Variants in LDLRAD4 observed in about 807,000 individuals in gnomAD.
LDLRAD4 encodes low density lipoprotein receptor class A domain containing 4.
LDLRAD4 carries 5 observed loss-of-function variants against 17.0 expected under a neutral mutation model. The observed-to-expected ratio is 0.29, with a 90% CI of 0.15 to 0.62. The LOEUF is 0.62. Among genes scored for constraint, LDLRAD4 ranks in the 20% least tolerant of loss-of-function variants. The pLI is 0.84. For synonymous variants in LDLRAD4, 168 were observed against 171.8 expected (o/e 0.98, Z 0.17); for missense variants, 340 against 424.7 (o/e 0.80, Z 1.75).
intron 3 of LDLRAD4, among the ~76,000 whole-genome samples, chr18:13,549,625 A>C (rs2094409561): frequency 6.6e-6 from 1 of 151,854 alleles, no homozygotes; most frequent in Non-Finnish European, 1.5e-5. Context: ...GTGGCTACCA[A>C]GAGCAGAGGA....
chr18:13,241,214 A>T (rs937501534), intron 1 of LDLRAD4: 1 of 152,404 alleles, frequency 6.6e-6, no homozygotes, highest in Admixed American at 6.5e-5. Context: ...GGCATGAGCC[A>T]CTGCGCCAGG....
At chr18:13,606,597 A>G (rs760173091) in intron 3 of LDLRAD4, among the ~76,000 whole-genome samples, 1 of 152,210 alleles carries the variant, frequency 6.6e-6, no homozygotes, top group African/African-American at 2.4e-5. Context: ...CTAAGTTCCA[A>G]GGATACGCTA....
intron 3 of LDLRAD4, among the ~76,000 whole-genome samples, chr18:13,593,255 G>C (rs1456443425): frequency 6.6e-6 from 1 of 152,242 alleles, no homozygotes; most frequent in African/African-American, 2.4e-5. Context: ...AGAGGCTGCA[G>C]TGAGCCAAGA....
intron 2 of LDLRAD4, among the ~76,000 whole-genome samples, chr18:13,431,432 C>A (rs16940505): frequency 0.037 from 5,631 of 152,266 alleles, 315 homozygotes; most frequent in East Asian, 0.24. Context: ...TGTTATCCAC[C>A]CTTTCAAGCC....
At chr18:13,457,472 G>A (rs146018755) in intron 3 of LDLRAD4, among the ~76,000 whole-genome samples, 29 of 152,304 alleles carry the variant, frequency 1.9e-4, no homozygotes, top group African/African-American at 6.7e-4. Flanking sequence ...CCGCTGGTGG[G>A]GATGGGGCCT....
intron 3 of LDLRAD4, among the ~76,000 whole-genome samples, chr18:13,462,808 A>G (rs1308477078): frequency 6.6e-6 from 1 of 152,068 alleles, no homozygotes; most frequent in African/African-American, 2.4e-5. Context: ...CCCGCCTGGG[A>G]GCTTTTCTAC....
intron 3 of LDLRAD4, among the ~76,000 whole-genome samples, chr18:13,528,938 G>A (rs538723913): frequency 6.6e-6 from 1 of 152,348 alleles, no homozygotes; most frequent in African/African-American, 2.4e-5. Flanking sequence ...CTGTTGGTCT[G>A]TGGCCCACGC....
chr18:13,536,242 T>G (rs1293898050), intron 3 of LDLRAD4, among the ~76,000 whole-genome samples: 1 of 152,220 alleles, frequency 6.6e-6, no homozygotes, highest in Admixed American at 6.5e-5. Flanking sequence ...AATTTCCATC[T>G]TAATAATAGT....
At chr18:13,583,241 G>A (rs1183282963) in intron 3 of LDLRAD4, among the ~76,000 whole-genome samples, 1 of 152,084 alleles carries the variant, frequency 6.6e-6, no homozygotes, top group African/African-American at 2.4e-5. Flanking sequence ...TAATATTTTA[G>A]TATTTCTTTT....
chr18:13,634,190 G>A (rs946789415), intron 4 of LDLRAD4, among the ~76,000 whole-genome samples: 2 of 152,122 alleles, frequency 1.3e-5, no homozygotes, highest in Middle Eastern at 3.2e-3. Context: ...GTTCAACATA[G>A]TATTAATTAG....
intron 3 of LDLRAD4, among the ~76,000 whole-genome samples, chr18:13,558,858 T>C (rs1601376322): frequency 6.6e-6 from 1 of 152,142 alleles, no homozygotes; most frequent in Non-Finnish European, 1.5e-5. Flanking sequence ...AAGCATTACA[T>C]AACCTTGAAT....
At chr18:13,633,208 C>T (rs556497412) in intron 4 of LDLRAD4, among the ~76,000 whole-genome samples, 59 of 152,356 alleles carry the variant, frequency 3.9e-4, no homozygotes, top group African/African-American at 1.4e-3. Context: ...AAACTGAATC[C>T]AGGATTTTTA....
chr18:13,405,602 ATTT>A (rs540287028), intron 2 of LDLRAD4, among the ~76,000 whole-genome samples: 2 of 135,066 alleles, frequency 1.5e-5, no homozygotes. Flanking sequence ...GGCTAATTAA[ATTT>A]TTTTTTTTTT....
chr18:13,569,920 C>G (rs1257948623), intron 3 of LDLRAD4, among the ~76,000 whole-genome samples: 1 of 151,946 alleles, frequency 6.6e-6, no homozygotes. Context: ...AAATAAATTG[C>G]GCTTGGAAGA....
chr18:13,483,836 G>A (rs563574202), intron 3 of LDLRAD4, among the ~76,000 whole-genome samples: 13 of 152,216 alleles, frequency 8.5e-5, no homozygotes, highest in African/African-American at 2.6e-4. Flanking sequence ...CTAGCGCTCC[G>A]TCTGTTCTGA....
At chr18:13,374,973 C>T (rs1022935941) in intron 1 of LDLRAD4, among the ~76,000 whole-genome samples, 3 of 152,236 alleles carry the variant, frequency 2.0e-5, no homozygotes, top group South Asian at 2.1e-4. Context: ...GCCTCCACTC[C>T]CTTCCCTTCC....
At chr18:13,574,843 G>A (rs2094745764) in intron 3 of LDLRAD4, among the ~76,000 whole-genome samples, 1 of 152,214 alleles carries the variant, frequency 6.6e-6, no homozygotes, top group Non-Finnish European at 1.5e-5. Flanking sequence ...ATAAATCAGA[G>A]CTTGAAACTA....
rs58036819 is a variant in LDLRAD4 at position 13,586,406 on chromosome 18, CA to C, written c.182-34696del. Among the ~76,000 whole-genome samples, 144 of 35,106 alleles carry C rather than the reference CA, an allele frequency of 4.1e-3. 9 individuals carry two copies. The highest frequency in any genetic ancestry group is 0.013 in the Admixed American group (26 of 2,014). The allele number at this position is 35,106 out of a possible 152,430, so 23.0% of individuals were successfully genotyped here. On this transcript the variant is annotated intron_variant, in intron 3 of 5. Coordinates refer to ENST00000359446, the Ensembl canonical transcript of LDLRAD4. ...TGGGTGACAGAGCAAGACTCTGTCTCAAAAAAAAAAAAAAAGAATAGAAACT... is the reference window on the plus strand; with the variant it reads ...TGGGTGACAGAGCAAGACTCTGTCTCAAAAAAAAAAAAAAGAATAGAAACT...
chr18:13,514,260 T>C (rs1364955942), intron 3 of LDLRAD4, among the ~76,000 whole-genome samples: 1 of 152,248 alleles, frequency 6.6e-6, no homozygotes, highest in African/African-American at 2.4e-5. Flanking sequence ...GTAAACCGTT[T>C]CTTTAAACCT....
Sources: gnomAD v4.1 joint callset for allele counts (sites outside exome capture counted in the v4.1 genomes callset) on GRCh38, gnomAD v4.1.1 for gene constraint, MANE v1.5 for transcripts, NCBI Gene and HGNC (gene_info 2026-07-23, HGNC 2026-07-21) for gene names.